NF1: variants seen among roughly 807,000 people sequenced by gnomAD.
NF1 encodes neurofibromin 1.
A neutral mutation model predicts 325.7 loss-of-function variants in NF1; 122 were observed. The ratio of observed to expected loss-of-function variants is 0.37; its 90% CI spans 0.32 to 0.44. The LOEUF (loss-of-function observed/expected upper bound fraction) is 0.44, where lower values mean the gene tolerates loss of function less well. Ranked by LOEUF, NF1 falls within the 20% of genes least tolerant of loss-of-function variation. NF1 has a pLI of 1.00. For missense variants in NF1, 2,140 were observed against 3,415.4 expected (o/e 0.63, Z 9.31); for synonymous variants, 1,091 against 1,186.0 (o/e 0.92, Z 1.65).
intron 36 of NF1, chr17:31,318,953 CTG>C: frequency 6.2e-7 from 1 of 1,613,534 alleles, no homozygotes; most frequent in Non-Finnish European, 8.5e-7. Context: ...AAAGAAAAAA[CTG>C]TTGTCATCAG....
At chr17:31,287,748 A>T (rs568919936) in intron 36 of NF1, among the ~76,000 whole-genome samples, 1 of 151,980 alleles carries the variant, frequency 6.6e-6, no homozygotes, top group African/African-American at 2.4e-5. Context: ...TTTTGTAGAG[A>T]CAGGGTTTGC....
intron 2 of NF1, among the ~76,000 whole-genome samples, chr17:31,157,822 G>A (rs914890741): frequency 4.7e-5 from 7 of 149,700 alleles, no homozygotes; most frequent in Admixed American, 6.7e-5. Flanking sequence ...AAAACTTAGC[G>A]GGGTGTGGCG....
At chr17:31,335,349 A>G (rs2069638757) in intron 40 of NF1, among the ~76,000 whole-genome samples, 1 of 125,638 alleles carries the variant, frequency 8.0e-6, no homozygotes, top group Non-Finnish European at 1.7e-5. Context: ...TATATATTAT[A>G]TAGAACTGTA....
chr17:31,265,372 G>C (rs1183940702), intron 36 of NF1, 33 bp downstream of exon 36: 9 of 1,506,342 alleles, frequency 6.0e-6, no homozygotes, highest in Non-Finnish European at 7.4e-6. Context: ...TCTCTTAACA[G>C]AATTTTTTAA....
At chr17:31,210,376 A>T (rs2066707505) in intron 12 of NF1, among the ~76,000 whole-genome samples, 1 of 152,144 alleles carries the variant, frequency 6.6e-6, no homozygotes, top group Non-Finnish European at 1.5e-5. Flanking sequence ...TGAGACCAGG[A>T]GTTTGAGACC....
At chr17:31,327,001 G>A (rs2069361277) in intron 37 of NF1, among the ~76,000 whole-genome samples, 1 of 151,732 alleles carries the variant, frequency 6.6e-6, no homozygotes, top group African/African-American at 2.4e-5. Flanking sequence ...ATCTCAGAGT[G>A]CAGTGGCGTG....
At chr17:31,324,336 GGATT>G (rs1214647926) in intron 36 of NF1, among the ~76,000 whole-genome samples, 1 of 152,130 alleles carries the variant, frequency 6.6e-6, no homozygotes. Flanking sequence ...CAAAGTGCTG[GGATT>G]GCAGGCGTGA....
chr17:31,239,551 G>C (rs368235894), intron 29 of NF1, among the ~76,000 whole-genome samples: 1,260 of 74,002 alleles, frequency 0.017, 33 homozygotes, highest in African/African-American at 0.15. Flanking sequence ...AAAGCAAGAT[G>C]GGGGGAGGAA....
chr17:31,258,194 G>A, intron 31 of NF1, 150 bp from the exon 32 acceptor site: 1 of 780,556 alleles, frequency 1.3e-6, no homozygotes. Context: ...ATTTTCTCAT[G>A]TTTTGGGAGA....
intron 29 of NF1, among the ~76,000 whole-genome samples, chr17:31,241,957 C>CTAGGAAA (rs2067303022): frequency 6.6e-6 from 1 of 151,916 alleles, no homozygotes; most frequent in Non-Finnish European, 1.5e-5. Flanking sequence ...TTTTGTTTGT[C>CTAGGAAA]TAGGAAAGTC....
Position 31,182,649 on chromosome 17 carries a change from A to C in NF1, c.872A>C (p.Glu291Ala), listed in dbSNP as rs876660171. The C allele has an allele frequency of 3.1e-6, 5 of 1,613,592 alleles. No individual in the cohort carries two copies. Among genetic ancestry groups the C allele is most frequent in the Non-Finnish European group, 4.2e-6 (5 of 1,179,796 alleles). Residue 291 changes from glutamate to alanine, a missense_variant, in exon 8 of 58, where the codon GAA becomes GCA. By Grantham distance (107) the Glu-to-Ala change is moderately radical. Coordinates refer to ENST00000358273, the MANE Select transcript of NF1 (RefSeq NM_001042492.3). ...GATATATCCAAAGACGTGGTTGATGAAAACAACATGAATAAGGTAAGGAGG... is the reference window on the plus strand; with the variant it reads ...GATATATCCAAAGACGTGGTTGATGCAAACAACATGAATAAGGTAAGGAGG... ...IQDISKDVVD[E>A]NNMNKKLFLD...
Position 31,319,291 on chromosome 17 carries a change from TA to T in NF1, c.4836-6528del, listed in dbSNP as rs566395935. Among the ~76,000 whole-genome samples the T allele has an allele frequency of 5.9e-4, 90 of 152,246 alleles. 1 individual carries two copies. The Middle Eastern group carries it at 0.01, about 17-fold the overall frequency. On this transcript the variant is annotated intron_variant, in intron 36 of 57. Coordinates refer to ENST00000358273, the MANE Select transcript of NF1 (RefSeq NM_001042492.3). ...CATTTTAAGTGGACTATCATGGCTT[TA>T]TATAGTTTTCTTCCTTTGAAGCGTG...
chr17:31,170,181 G>A (rs957351437), intron 5 of NF1, among the ~76,000 whole-genome samples, 184 bp downstream of exon 5: 2 of 152,160 alleles, frequency 1.3e-5, no homozygotes, highest in Non-Finnish European at 2.9e-5. Flanking sequence ...AAATAATGCA[G>A]TAGAGAAAAT....
intron 36 of NF1, chr17:31,307,992 T>C: frequency 8.8e-7 from 1 of 1,135,834 alleles, no homozygotes; most frequent in Non-Finnish European, 1.2e-6. Context: ...ATGTGATTTT[T>C]TTCCCTATAC....
At chr17:31,265,654 A>T (rs533522081) in intron 36 of NF1, among the ~76,000 whole-genome samples, 2 of 152,280 alleles carry the variant, frequency 1.3e-5, no homozygotes, top group Admixed American at 1.3e-4. Context: ...TTCTGATTAA[A>T]TAGTACTCAC....
intron 27 of NF1, 81 bp downstream of exon 27, chr17:31,233,294 TG>T (rs2067147275): frequency 7.7e-7 from 1 of 1,303,390 alleles, no homozygotes. Context: ...AATAAATGTT[TG>T]TTGAATGAAT....
At position 31,337,465 on chromosome 17, in the gene NF1, C is replaced by T. The variant is rs761686171; in HGVS notation, c.6525C>T (p.Val2175=). 6.2e-7 allele frequency: 1 copy of T among 1,614,160 alleles called. No homozygotes were observed. The highest frequency in any genetic ancestry group is 8.5e-7 in the Non-Finnish European group (1 of 1,180,008). The change falls in exon 43 of 58, where the codon GTC becomes GTT. Residue 2175 remains valine (V), a synonymous_variant. Transcript: ENST00000358273. The part of the protein sequence containing the change: ...FGISKVKSAA[V]IAFRSSYRDR... Reference sequence around the variant, plus strand: ...TTAGCAAAGTCAAGTCAGCTGCTGTCATTGCCTTCCGTTCCAGTTACCGGG... The same window carrying T: ...TTAGCAAAGTCAAGTCAGCTGCTGTTATTGCCTTCCGTTCCAGTTACCGGG...
chr17:31,162,689 A>G (rs1330746843), intron 3 of NF1, among the ~76,000 whole-genome samples: 2 of 152,324 alleles, frequency 1.3e-5, no homozygotes, highest in Non-Finnish European at 2.9e-5. Context: ...TTTATAATTT[A>G]CTTTGAAAAG....
chr17:31,184,105 T>C (rs1567827473), intron 8 of NF1, among the ~76,000 whole-genome samples: 1 of 152,162 alleles, frequency 6.6e-6, no homozygotes, highest in Admixed American at 6.5e-5. Context: ...TGGAGTTTGC[T>C]GCTTAATATG....
Sources: allele counts gnomAD v4.1 joint callset (sites outside exome capture counted in the v4.1 genomes callset), GRCh38; gene constraint gnomAD v4.1.1; transcripts MANE v1.5; gene names NCBI Gene and HGNC (gene_info 2026-07-23, HGNC 2026-07-21).